FRMD4B: variants seen among roughly 807,000 people sequenced by gnomAD.
FRMD4B encodes FERM domain containing 4B.
FRMD4B carries 74 observed loss-of-function variants against 141.5 expected under a neutral mutation model. That is an observed-to-expected ratio of 0.52 (90% CI 0.43 to 0.63). The LOEUF is 0.63. FRMD4B is among the 30% of genes least tolerant of loss of function. The pLI is 0.00. For missense variants in FRMD4B, 1,366 were observed against 1,253.4 expected (o/e 1.09, Z -1.36); for synonymous variants, 506 against 467.9 (o/e 1.08, Z -1.05).
chr3:69,356,481 G>A (rs748250256), intron 1 of FRMD4B, among the ~76,000 whole-genome samples: 10 of 151,900 alleles, frequency 6.6e-5, no homozygotes, highest in South Asian at 2.1e-4. Context: ...TTGGGGACTC[G>A]GACTGGCTCT....
chr3:69,446,302 A>T (rs1705409575), intron 1 of FRMD4B, among the ~76,000 whole-genome samples: 1 of 151,652 alleles, frequency 6.6e-6, no homozygotes, highest in East Asian at 1.9e-4. Flanking sequence ...CTGGGTTTGC[A>T]GGCGTGAGCC....
chr3:69,523,121 A>G (rs1262146320), intron 1 of FRMD4B, among the ~76,000 whole-genome samples: 2 of 87,146 alleles, frequency 2.3e-5, no homozygotes, highest in Admixed American at 9.7e-5. Context: ...ATAACAAGTG[A>G]AAAAAAAAAA....
At chr3:69,198,908 G>A (rs1050564260) in intron 11 of FRMD4B, 134 bp from the exon 12 acceptor site, 8 of 623,092 alleles carry the variant, frequency 1.3e-5, no homozygotes, top group Non-Finnish European at 2.3e-5. Context: ...ATGTGATTCA[G>A]CCTTTTTACA....
At chr3:69,338,336 T>C (rs553887008) in intron 1 of FRMD4B, among the ~76,000 whole-genome samples, 1 of 152,116 alleles carries the variant, frequency 6.6e-6, no homozygotes, top group Non-Finnish European at 1.5e-5. Flanking sequence ...GGGATAGCAT[T>C]AGGAGATATA....
At chr3:69,478,723 G>A (rs1205289321) in intron 1 of FRMD4B, among the ~76,000 whole-genome samples, 1 of 152,144 alleles carries the variant, frequency 6.6e-6, no homozygotes, top group Admixed American at 6.5e-5. Context: ...TATTAGGTCT[G>A]CTTGGTGCAG....
chr3:69,299,890 A>G (rs1342064609), intron 4 of FRMD4B, among the ~76,000 whole-genome samples: 1 of 152,162 alleles, frequency 6.6e-6, no homozygotes, highest in Admixed American at 6.5e-5. Flanking sequence ...TACTGTGCTG[A>G]CACAAGAGGT....
intron 1 of FRMD4B, among the ~76,000 whole-genome samples, chr3:69,481,079 G>A (rs1189172374): frequency 6.6e-6 from 1 of 152,188 alleles, no homozygotes; most frequent in Non-Finnish European, 1.5e-5. Context: ...CAGTGTTAGG[G>A]TAGGAGTGAC....
At chr3:69,457,453 C>T (rs1450756282) in intron 1 of FRMD4B, among the ~76,000 whole-genome samples, 2 of 152,068 alleles carry the variant, frequency 1.3e-5, no homozygotes, top group African/African-American at 2.4e-5. Context: ...AAATATTAGT[C>T]TACATAAAAA....
In FRMD4B at chr3:69,171,885, A is replaced by T. The variant is rs752717550; in HGVS notation, c.3081T>A (p.Asp1027Glu). Residue 1027 changes from aspartate to glutamate, a missense_variant, in exon 23 of 23, where the codon GAT becomes GAA. By Grantham distance (45) the Asp-to-Glu change is conservative. Transcript: ENST00000398540. ...TTCAGACTAATGTTCCAGGCTTTGAATCTTCATGCCAAAAGAGTCTCTGCT... is the reference window on the plus strand; with the variant it reads ...TTCAGACTAATGTTCCAGGCTTTGATTCTTCATGCCAAAAGAGTCTCTGCT... ...SSEQRLFWHEDSKPGTLV is the reference protein window; with the variant it reads ...SSEQRLFWHEESKPGTLV 4 of 1,613,614 alleles carry T rather than the reference A, an allele frequency of 2.5e-6. No homozygotes were observed. The highest frequency in any genetic ancestry group is 3.3e-5 in the Admixed American group (2 of 60,002).
At chr3:69,222,963 A>C (rs191939008) in intron 8 of FRMD4B, among the ~76,000 whole-genome samples, 58 of 152,350 alleles carry the variant, frequency 3.8e-4, no homozygotes, top group Admixed American at 1.4e-3. Context: ...GGAGATCAGC[A>C]AGTGTTAGGC....
intron 2 of FRMD4B, among the ~76,000 whole-genome samples, chr3:69,411,240 A>G (rs950724793): frequency 3.9e-5 from 6 of 152,220 alleles, no homozygotes; most frequent in African/African-American, 1.4e-4. Flanking sequence ...GTAAGTCACC[A>G]ATTTGCAACT....
intron 1 of FRMD4B, among the ~76,000 whole-genome samples, chr3:69,366,851 C>A (rs577054399): frequency 6.6e-6 from 1 of 152,010 alleles, no homozygotes; most frequent in East Asian, 1.9e-4. Context: ...CACACTGCAG[C>A]CTCAACCTCC....
chr3:69,342,470 C>T (rs928032853), intron 1 of FRMD4B, among the ~76,000 whole-genome samples: 18 of 152,068 alleles, frequency 1.2e-4, no homozygotes, highest in Admixed American at 1.2e-3. Context: ...AAAAGATTAC[C>T]CATTCATTAC....
chr3:69,320,309 TG>T (rs1474436784), intron 1 of FRMD4B, among the ~76,000 whole-genome samples: 5 of 152,174 alleles, frequency 3.3e-5, no homozygotes, highest in African/African-American at 9.7e-5. Flanking sequence ...AAACCTGACC[TG>T]GGCCAGGTGT....
At chr3:69,474,448 C>A (rs908191765) in intron 1 of FRMD4B, among the ~76,000 whole-genome samples, 3 of 151,970 alleles carry the variant, frequency 2.0e-5, no homozygotes, top group African/African-American at 7.3e-5. Context: ...GTGTGTGTTC[C>A]AAGGGGAATT....
intron 5 of FRMD4B, among the ~76,000 whole-genome samples, chr3:69,284,267 A>G (rs1200943570): frequency 6.6e-6 from 1 of 152,192 alleles, no homozygotes; most frequent in Non-Finnish European, 1.5e-5. Context: ...AAATCTATAG[A>G]GGGTCTCCTC....
chr3:69,317,014 T>C (rs1426512119), intron 1 of FRMD4B, among the ~76,000 whole-genome samples: 1 of 152,102 alleles, frequency 6.6e-6, no homozygotes, highest in Non-Finnish European at 1.5e-5. Context: ...TCCCAGCTAC[T>C]TGGGAGGCTG....
intron 7 of FRMD4B, chr3:69,228,286 A>T (rs906401029): frequency 6.6e-6 from 3 of 456,430 alleles, no homozygotes; most frequent in African/African-American, 6.0e-5. Context: ...TATCTTTTAG[A>T]CTTACAGAAT....
chr3:69,249,289 C>A (rs1178191539), intron 6 of FRMD4B, 41 bp from the exon 7 acceptor site: 6 of 1,377,424 alleles, frequency 4.4e-6, no homozygotes, highest in Non-Finnish European at 6.1e-6. Context: ...CAATATGTAT[C>A]TTTGTTAAGC....
Sources: allele counts gnomAD v4.1 joint callset (sites outside exome capture counted in the v4.1 genomes callset), GRCh38; gene constraint gnomAD v4.1.1; transcripts MANE v1.5; gene names NCBI Gene and HGNC (gene_info 2026-07-23, HGNC 2026-07-21).